Variants in SPATA6L observed in about 807,000 individuals in gnomAD.
The protein encoded by SPATA6L is spermatogenesis associated 6-like protein.
SPATA6L carries 68 observed loss-of-function variants against 49.2 expected under a neutral mutation model. The ratio of observed to expected loss-of-function variants is 1.38; its 90% confidence interval spans 1.14 to 1.69. The LOEUF is 1.69. Ranked by LOEUF, SPATA6L falls within the 40% of genes most tolerant of loss-of-function variation. The probability of loss-of-function intolerance (pLI) is 0.00; values close to 1 mark genes in which losing one functional copy is unlikely to be tolerated. For missense variants in SPATA6L, 668 were observed against 464.3 expected (o/e 1.44, Z -4.03); for synonymous variants, 198 against 165.7 (o/e 1.19, Z -1.50).
In SPATA6L at chr9:4,629,172, T is replaced by C. The variant is rs199686663; in HGVS notation, c.352-4A>G. On this transcript the variant is annotated splice_polypyrimidine_tract_variant and splice_region_variant and intron_variant, in intron 4 of 11. Coordinates refer to ENST00000682582, the MANE Select transcript of SPATA6L (RefSeq NM_001353486.2). ...ACTCTATTTTGGGAGCAATGCCCTA[T>C]AAAACAGCATAAAAAAAGCAAATAA... 3.4e-5 allele frequency: 49 copies of C among 1,447,012 alleles called. No homozygotes were observed. Among genetic ancestry groups the C allele is most frequent in the Admixed American group, 2.8e-4 (12 of 42,558 alleles). The allele number at this position is 1,447,012 out of a possible 1,614,324, so 89.6% of individuals were successfully genotyped here. A position where few individuals can be genotyped will look rare whatever the true frequency, so the allele number is the denominator to read the frequency against.
chr9:4,623,221 G>A (rs1365707980), intron 6 of SPATA6L, among the ~76,000 whole-genome samples: 24 of 151,996 alleles, frequency 1.6e-4, no homozygotes, highest in Non-Finnish European at 3.2e-4. Context: ...CGAAGATTGC[G>A]GTGAGCTGAG....
rs771775119 is a variant in SPATA6L, at chr9:4,662,001, T to G, written c.75A>C (p.Gln25His). The part of the protein sequence containing the change: ...SCPGVFLPGK[Q>H]DVYLGVYLMN... ...TGAGGTAGACCCCGAGGTACACATC[T>G]TGTTTGCCAGGCAGGAACACTCCTG... The change falls in exon 2 of 12, where the codon CAA becomes CAC. Residue 25 changes from glutamine to histidine, a missense_variant. Transcript: ENST00000682582. This position sits in a 1 kb window ranked among gnomAD's most constrained non-coding sequence, Gnocchi z 4.9. The G allele has an allele frequency of 6.2e-7, 1 of 1,614,118 alleles. No individual in the cohort carries two copies. Among genetic ancestry groups the G allele is most frequent in the Admixed American group, 1.7e-5 (1 of 60,010 alleles).
intron 13 of SPATA6L, among the ~76,000 whole-genome samples, chr9:4,591,712 T>A (rs1219414534): frequency 6.6e-6 from 1 of 152,162 alleles, no homozygotes; most frequent in Non-Finnish European, 1.5e-5. Context: ...AAAGGGCCAG[T>A]TAAATTAGAA....
chr9:4,629,769 G>GTGTGTGTGTGTGTATATA (rs1311805859), intron 4 of SPATA6L, among the ~76,000 whole-genome samples: 14 of 101,936 alleles, frequency 1.4e-4, no homozygotes, highest in African/African-American at 7.0e-4. Flanking sequence ...GTGTGTGTGT[G>GTGTGTGTGTGTGTATATA]TATATATATA....
At chr9:4,650,245 T>A (rs1564300435) in intron 3 of SPATA6L, among the ~76,000 whole-genome samples, 1 of 152,194 alleles carries the variant, frequency 6.6e-6, no homozygotes. Context: ...TGGCCTCAGC[T>A]CACTTGGTAC....
chr9:4,607,398 G>C lies in SPATA6L; in HGVS notation c.996-1958C>G, dbSNP rs1207300842. The stretch of plus-strand genomic sequence containing the variant: ...AATGTTAAGGGCAGCCAGAGAGAAA[G>C]GTCGGGTTACCCTCAAAGGGAAGCC... On this transcript the variant is annotated intron_variant, in intron 9 of 11. Transcript: ENST00000682582. Among the ~76,000 whole-genome samples the C allele has an allele frequency of 1.4e-4, 21 of 152,172 alleles. No homozygotes were observed. The South Asian group carries it at 4.2e-3, about 30-fold the overall frequency.
chr9:4,634,981 A>G (rs759442061), intron 4 of SPATA6L, among the ~76,000 whole-genome samples: 13 of 152,268 alleles, frequency 8.5e-5, no homozygotes, highest in Non-Finnish European at 1.3e-4. Context: ...CATAATAGCT[A>G]TAACTAAACA....
At chr9:4,604,041 G>A (rs1464202128) in intron 11 of SPATA6L, 138 bp downstream of exon 11, 11 of 571,326 alleles carry the variant, frequency 1.9e-5, no homozygotes, top group Non-Finnish European at 3.1e-5. Flanking sequence ...AGGGAAGAAC[G>A]CAGTTCTCAG....
intron 5 of SPATA6L, chr9:4,627,200 C>G (rs1025345213): frequency 2.0e-5 from 3 of 152,484 alleles, no homozygotes; most frequent in African/African-American, 7.3e-5. Flanking sequence ...AAAGTTAACA[C>G]TGAAAGAAGG....
intron 11 of SPATA6L, among the ~76,000 whole-genome samples, chr9:4,601,295 G>C (rs1586921751): frequency 6.6e-6 from 1 of 151,590 alleles, no homozygotes; most frequent in Admixed American, 6.6e-5. Context: ...ACTGCACACT[G>C]GGGGCCGGGA....
intron 9 of SPATA6L, among the ~76,000 whole-genome samples, chr9:4,607,981 C>T (rs1182497570): frequency 7.2e-5 from 11 of 151,820 alleles, no homozygotes; most frequent in African/African-American, 1.7e-4. Flanking sequence ...CAAAAAAAGG[C>T]AGGGGTTGCA....
chr9:4,617,279 G>A (rs961762225), intron 9 of SPATA6L: 38 of 152,138 alleles, frequency 2.5e-4, no homozygotes, highest in African/African-American at 8.9e-4. Context: ...ATTATTTTCA[G>A]TGCCACTTCC....
intron 9 of SPATA6L, among the ~76,000 whole-genome samples, chr9:4,615,199 C>G (rs983461942): frequency 6.6e-6 from 1 of 152,232 alleles, no homozygotes; most frequent in Non-Finnish European, 1.5e-5. Context: ...CTTCTTTATA[C>G]TCCAGTAACT....
chr9:4,656,002 A>T, intron 3 of SPATA6L, 39 bp downstream of exon 3: 1 of 1,511,912 alleles, frequency 6.6e-7, no homozygotes, highest in South Asian at 1.1e-5. Flanking sequence ...TACACACAAT[A>T]GTCTTTTGGT....
chr9:4,658,427 A>G (rs1198503146), intron 2 of SPATA6L, among the ~76,000 whole-genome samples: 1 of 152,258 alleles, frequency 6.6e-6, no homozygotes, highest in African/African-American at 2.4e-5. Context: ...AACAGATACA[A>G]GGAAGCTAAA....
In SPATA6L at chr9:4,617,927, C is replaced by G; in HGVS notation, c.991G>C (p.Glu331Gln). The G allele has an allele frequency of 1.2e-6, 2 of 1,605,864 alleles. No homozygotes were observed. Among genetic ancestry groups the G allele is most frequent in the South Asian group, 1.1e-5 (1 of 89,424 alleles). ...PGPLDQPLLR[E>Q]RFHPGSQSTW... is the part of the protein sequence containing the mutation. ...AGATGGGTGCTTGCCACTGACCTTT[C>G]TCTGAGAAGGGGCTGATCCAAGGGG... Residue 331 changes from glutamate (E) to glutamine (Q), a missense_variant, in exon 9 of 12, where the codon GAA becomes CAA. Glu to Gln is a conservative substitution (Grantham distance 29). Transcript: ENST00000682582.
At chr9:4,664,220 G>C (rs1840504471) in intron 1 of SPATA6L, 1 of 167,062 alleles carries the variant, frequency 6.0e-6, no homozygotes, top group Non-Finnish European at 1.5e-5. Flanking sequence ...ACAGGAGATG[G>C]GGCCCTGCTG....
intron 3 of SPATA6L, chr9:4,646,537 GA>G (rs1342929653): frequency 2.2e-5 from 33 of 1,485,172 alleles, no homozygotes; most frequent in Non-Finnish European, 2.9e-5. Context: ...GCCTAAAAAG[GA>G]AAAAATGAGA....
At chr9:4,593,657 T>C (rs1249111320), downstream of SPATA6L, among the ~76,000 whole-genome samples, 1 of 152,242 alleles carries the variant, frequency 6.6e-6, no homozygotes, top group Non-Finnish European at 1.5e-5. Flanking sequence ...ATCAGTGCCC[T>C]GCTCATGAAA....
Sources: allele counts gnomAD v4.1 joint callset (sites outside exome capture counted in the v4.1 genomes callset), GRCh38; gene constraint gnomAD v4.1.1; non-coding constraint Gnocchi (gnomAD v3.1); transcripts MANE v1.5; gene names NCBI Gene and HGNC (gene_info 2026-07-23, HGNC 2026-07-21).